The following TPO variants were observed in gnomAD, a reference collection of about 807,000 sequenced individuals.
The protein encoded by TPO is thyroid microsomal antigen.
In TPO, 78 loss-of-function variants were observed where a neutral mutation model predicts 96.9. The ratio of observed to expected loss-of-function variants is 0.81; its 90% CI spans 0.67 to 0.97. The LOEUF (loss-of-function observed/expected upper bound fraction) is 0.97, where lower values mean the gene tolerates loss of function less well. Among genes scored for constraint, TPO ranks in the 50% least tolerant of loss-of-function variants. TPO has a pLI of 0.00. For missense variants in TPO, 1,252 were observed against 1,274.8 expected, an observed-to-expected ratio of 0.98 and a Z score of 0.27; for synonymous variants, 547 against 538.0, an observed-to-expected ratio of 1.02 and a Z score of -0.23.
rs760876786 is a variant in TPO, at chr2:1,494,014, A to G, written c.1981A>G (p.Met661Val). The change falls in exon 11 of 17, where the codon ATG (methionine) becomes GTG (valine). Residue 661 changes from methionine (M) to valine (V), a missense_variant. Coordinates refer to ENST00000329066, the MANE Select transcript of TPO (RefSeq NM_001206744.2). ...GTTTGCCTGTCTCATTGGGAAGCAG[A>G]TGAAGGCTCTGCGGGACGGTGACTG... Reference protein sequence around the residue: ...PLFACLIGKQMKALRDGDWFW... With the variant: ...PLFACLIGKQVKALRDGDWFW... The G allele has an allele frequency of 1.2e-6, 2 of 1,614,140 alleles. No homozygotes were observed. Among genetic ancestry groups the G allele is most frequent in the Non-Finnish European group, 1.7e-6 (2 of 1,180,028 alleles).
chr2:1,442,925 A>C (rs969267245), intron 5 of TPO, among the ~76,000 whole-genome samples: 1 of 152,082 alleles, frequency 6.6e-6, no homozygotes, highest in Non-Finnish European at 1.5e-5. Context: ...AAGAGGTGTG[A>C]TTTTTCTTTG....
chr2:1,387,858 T>C (rs1462588560), intron 1 of TPO, among the ~76,000 whole-genome samples: 1 of 152,226 alleles, frequency 6.6e-6, no homozygotes, highest in Non-Finnish European at 1.5e-5. Context: ...CCTTTGGTCT[T>C]TGATGATGGT....
intron 1 of TPO, among the ~76,000 whole-genome samples, chr2:1,388,686 T>C (rs1229331101): frequency 1.3e-5 from 2 of 152,234 alleles, no homozygotes; most frequent in Non-Finnish European, 2.9e-5. Flanking sequence ...CGCCCTGCTT[T>C]GGCTCACACT....
At chr2:1,455,857 C>T (rs1280208911) in intron 6 of TPO, among the ~76,000 whole-genome samples, 2 of 152,138 alleles carry the variant, frequency 1.3e-5, no homozygotes, top group Non-Finnish European at 2.9e-5. Context: ...TAATGCCAGG[C>T]CCTCCAGCCA....
At chr2:1,419,796 C>G (rs779442071) in intron 2 of TPO, among the ~76,000 whole-genome samples, 1 of 152,176 alleles carries the variant, frequency 6.6e-6, no homozygotes, top group Non-Finnish European at 1.5e-5. Flanking sequence ...CATCTTGGGG[C>G]GCTCAGGGGG....
chr2:1,472,323 T>C (rs1669500666), intron 7 of TPO, among the ~76,000 whole-genome samples: 1 of 152,002 alleles, frequency 6.6e-6, no homozygotes, highest in African/African-American at 2.4e-5. Context: ...CAAATGCTCA[T>C]GGTGTGTCCT....
intron 15 of TPO, among the ~76,000 whole-genome samples, chr2:1,524,665 C>G (rs1483216358): frequency 3.7e-5 from 5 of 134,098 alleles, no homozygotes; most frequent in Admixed American, 7.5e-5. Flanking sequence ...CAAATCCCCC[C>G]ACTGTGGGCA....
intron 7 of TPO, among the ~76,000 whole-genome samples, chr2:1,473,462 C>T (rs1008981569): frequency 2.0e-5 from 3 of 152,126 alleles, no homozygotes; most frequent in Admixed American, 2.0e-4. Context: ...ATAGTATATC[C>T]TATTATCTGT....
At chr2:1,442,958 G>A (rs1043645809) in intron 5 of TPO, among the ~76,000 whole-genome samples, 4 of 152,304 alleles carry the variant, frequency 2.6e-5, no homozygotes, top group South Asian at 2.1e-4. Flanking sequence ...ATTTCTTGCT[G>A]GGCACTTTGG....
chr2:1,504,650 C>G (rs975151511), intron 14 of TPO, among the ~76,000 whole-genome samples: 1 of 152,222 alleles, frequency 6.6e-6, no homozygotes, highest in Non-Finnish European at 1.5e-5. Context: ...CAGGTGCCAG[C>G]TACGCCCAAA....
chr2:1,397,068 C>T (rs1039819974), intron 1 of TPO, among the ~76,000 whole-genome samples: 4 of 152,142 alleles, frequency 2.6e-5, no homozygotes, highest in African/African-American at 9.7e-5. Flanking sequence ...GGCTCATTTT[C>T]GTCATCTGAA....
intron 15 of TPO, among the ~76,000 whole-genome samples, chr2:1,532,535 ACC>A (rs1338559199): frequency 1.7e-5 from 1 of 59,446 alleles, no homozygotes; most frequent in Admixed American, 2.0e-4. Context: ...CTCCTCAAAT[ACC>A]CCACTGTCAG....
Position 1,496,618 on chromosome 2 carries a change from A to G in TPO, c.2239A>G (p.Ser747Gly). ...PQDDKCGFPE[S>G]VENGDFVHCE... ...AGACGACAAGTGTGGCTTCCCAGAG[A>G]GCGTGGAGAATGGGGACTTTGTGCA... The change falls in exon 13 of 17, where the codon AGC (serine) becomes GGC (glycine). Residue 747 changes from serine (S) to glycine (G), a missense_variant. By Grantham distance (56) the Ser-to-Gly change is moderately conservative (BLOSUM62 0). Coordinates refer to ENST00000329066, the MANE Select transcript of TPO (RefSeq NM_001206744.2). 2 of 1,613,758 alleles carry G rather than the reference A, an allele frequency of 1.2e-6. No individual in the cohort carries two copies. Among genetic ancestry groups the G allele is most frequent in the Non-Finnish European group, 1.7e-6 (2 of 1,179,958 alleles).
intron 10 of TPO, among the ~76,000 whole-genome samples, chr2:1,492,312 G>A (rs534679526): frequency 6.6e-6 from 1 of 152,126 alleles, no homozygotes; most frequent in African/African-American, 2.4e-5. Context: ...CCGCCATCAC[G>A]CCCAGCTAAT....
intron 5 of TPO, among the ~76,000 whole-genome samples, chr2:1,452,617 C>A (rs181197504): frequency 6.6e-6 from 1 of 152,164 alleles, no homozygotes; most frequent in Non-Finnish European, 1.5e-5. Context: ...CCATCTGGCC[C>A]TCAAAACTCC....
chr2:1,457,599 G>A lies in TPO; in HGVS notation c.819+1317G>A, dbSNP rs111284559. Among the ~76,000 whole-genome samples, 36 of 114,952 alleles carry A rather than the reference G, an allele frequency of 3.1e-4. No individual in the cohort carries two copies. The Middle Eastern group carries it at 0.02, about 64-fold the overall frequency. The allele number at this position is 114,952 out of a possible 152,430, so 75.4% of individuals were successfully genotyped here. A position where few individuals can be genotyped will look rare whatever the true frequency, so the allele number is the denominator to read the frequency against. On this transcript the variant is annotated intron_variant, in intron 7 of 16. Coordinates refer to ENST00000329066, the MANE Select transcript of TPO (RefSeq NM_001206744.2). ...TATGATACTGTGGGTACACATATAT[G>A]TAGCATGTATGATAGTGTGTGGGCA...
At chr2:1,489,283 A>C (rs991276809) in intron 10 of TPO, among the ~76,000 whole-genome samples, 1 of 148,304 alleles carries the variant, frequency 6.7e-6, no homozygotes, top group Non-Finnish European at 1.5e-5. Context: ...TGCCCAGCAC[A>C]CACCCACACA....
chr2:1,489,683 T>TGAATGAATG (rs1671531983), intron 10 of TPO, among the ~76,000 whole-genome samples: 1 of 151,852 alleles, frequency 6.6e-6, no homozygotes, highest in South Asian at 2.1e-4. Context: ...AATGAATGAA[T>TGAATGAATG]GTTTGGGCAA....
intron 9 of TPO, among the ~76,000 whole-genome samples, chr2:1,485,062 C>T (rs1480010537): frequency 6.6e-6 from 1 of 151,718 alleles, no homozygotes; most frequent in East Asian, 1.9e-4. Context: ...CCCCCTGACC[C>T]CCACCCCACG....
Sources: allele counts gnomAD v4.1 joint callset (sites outside exome capture counted in the v4.1 genomes callset), GRCh38; gene constraint gnomAD v4.1.1; transcripts MANE v1.5; gene names NCBI Gene and HGNC (gene_info 2026-07-23, HGNC 2026-07-21).